The following ROBO1 variants were observed in gnomAD, a reference collection of about 807,000 sequenced individuals.
The protein encoded by ROBO1 is roundabout homolog 1.
ROBO1 carries 149 observed loss-of-function variants against 195.9 expected under a neutral mutation model. That is an observed-to-expected ratio of 0.76 (90% CI 0.67 to 0.87). The LOEUF is 0.87. Ranked by LOEUF, ROBO1 falls within the 40% of genes least tolerant of loss-of-function variation. The pLI, the probability that ROBO1 is intolerant of heterozygous loss-of-function variation, is 0.00. For missense variants in ROBO1, 1,933 were observed against 2,068.3 expected (o/e 0.93, Z 1.27); for synonymous variants, 816 against 733.2 (o/e 1.11, Z -1.82).
At chr3:79,706,574 G>A (rs901984610) in intron 1 of ROBO1, among the ~76,000 whole-genome samples, 2 of 152,030 alleles carry the variant, frequency 1.3e-5, no homozygotes, top group East Asian at 1.9e-4. Context: ...GGACCCGGTA[G>A]GGGGTAATTA....
At chr3:78,868,121 A>G (rs1390776627) in intron 4 of ROBO1, among the ~76,000 whole-genome samples, 1 of 152,102 alleles carries the variant, frequency 6.6e-6, no homozygotes, top group Non-Finnish European at 1.5e-5. Flanking sequence ...CTAATTACCC[A>G]ATTACTACTG....
At chr3:78,651,304 G>A (rs572012568) in intron 19 of ROBO1, among the ~76,000 whole-genome samples, 2 of 152,102 alleles carry the variant, frequency 1.3e-5, no homozygotes, top group Non-Finnish European at 2.9e-5. Context: ...ATAATCAAAC[G>A]GCAGTATTTT....
chr3:78,646,076 T>C, intron 21 of ROBO1, 72 bp downstream of exon 21: 1 of 1,270,776 alleles, frequency 7.9e-7, no homozygotes, highest in Non-Finnish European at 1.1e-6. Context: ...GCAGAGAAAG[T>C]GGTGTCATTG....
At chr3:78,993,485 T>A (rs1343869486) in intron 3 of ROBO1, among the ~76,000 whole-genome samples, 1 of 152,060 alleles carries the variant, frequency 6.6e-6, no homozygotes, top group Admixed American at 6.6e-5. Flanking sequence ...GAGGCAAGGG[T>A]GTAATACACT....
intron 2 of ROBO1, among the ~76,000 whole-genome samples, chr3:79,166,568 T>TTTAA (rs10688375): frequency 6.8e-5 from 10 of 147,528 alleles, no homozygotes; most frequent in African/African-American, 1.9e-4. Flanking sequence ...TTCTTTTTTT[T>TTTAA]TTTTTTTTTA....
At chr3:79,144,969 T>C (rs2080614473) in intron 2 of ROBO1, among the ~76,000 whole-genome samples, 1 of 152,022 alleles carries the variant, frequency 6.6e-6, no homozygotes, top group Admixed American at 6.6e-5. Context: ...TACTCTAGTG[T>C]ACAACTATAA....
At chr3:78,611,867 A>G (rs1703835787) in intron 28 of ROBO1, among the ~76,000 whole-genome samples, 1 of 152,212 alleles carries the variant, frequency 6.6e-6, no homozygotes, top group Non-Finnish European at 1.5e-5. Context: ...CACAGGGAGA[A>G]GATGGCCGTC....
intron 3 of ROBO1, among the ~76,000 whole-genome samples, chr3:78,981,788 AACACACACAC>A (rs375186931): frequency 2.1e-5 from 3 of 140,760 alleles, no homozygotes; most frequent in African/African-American, 2.6e-5. Context: ...GGCCCCTGCC[AACACACACAC>A]ACACACACAC....
At chr3:78,785,707 T>C (rs2083813841) in intron 4 of ROBO1, among the ~76,000 whole-genome samples, 2 of 152,190 alleles carry the variant, frequency 1.3e-5, no homozygotes, top group East Asian at 3.8e-4. Flanking sequence ...TTTTTCTTCC[T>C]AGTAATTCCT....
At chr3:78,608,298 G>T (rs972740491) in intron 28 of ROBO1, among the ~76,000 whole-genome samples, 2 of 151,900 alleles carry the variant, frequency 1.3e-5, no homozygotes, top group African/African-American at 2.4e-5. Flanking sequence ...TAGAGACAGG[G>T]TTTCACTATG....
chr3:78,600,546 T>C (rs1424718506), intron 29 of ROBO1, among the ~76,000 whole-genome samples: 1 of 152,128 alleles, frequency 6.6e-6, no homozygotes, highest in Admixed American at 6.5e-5. Flanking sequence ...ACTCATAAGC[T>C]CTTGTCCATC....
chr3:78,969,622 C>T (rs543101001), intron 3 of ROBO1, among the ~76,000 whole-genome samples: 3 of 152,084 alleles, frequency 2.0e-5, no homozygotes, highest in Non-Finnish European at 4.4e-5. Context: ...CATCTGAGTA[C>T]GCCTACTCAA....
intron 2 of ROBO1, among the ~76,000 whole-genome samples, chr3:79,389,660 A>C (rs551823749): frequency 2.0e-4 from 30 of 152,278 alleles, no homozygotes; most frequent in Middle Eastern, 3.4e-3. Flanking sequence ...TGAATATCTA[A>C]GTGGAACCAT....
chr3:79,325,604 T>G (rs2034174374), intron 2 of ROBO1, among the ~76,000 whole-genome samples: 1 of 152,200 alleles, frequency 6.6e-6, no homozygotes, highest in Admixed American at 6.5e-5. Context: ...TCATGGACAT[T>G]TATTCATTCC....
At chr3:79,707,185 G>A (rs549091666) in intron 1 of ROBO1, among the ~76,000 whole-genome samples, 7 of 152,042 alleles carry the variant, frequency 4.6e-5, no homozygotes, top group South Asian at 2.1e-4. Context: ...ATAGATATAG[G>A]TCTATACTGA....
At chr3:78,837,214 G>A (rs143965047) in intron 4 of ROBO1, among the ~76,000 whole-genome samples, 31 of 152,236 alleles carry the variant, frequency 2.0e-4, no homozygotes, top group African/African-American at 7.5e-4. Flanking sequence ...TGTTTTCAAT[G>A]TTGGATATAA....
chr3:78,807,998 C>T (rs76722583), intron 4 of ROBO1, among the ~76,000 whole-genome samples: 24 of 152,130 alleles, frequency 1.6e-4, no homozygotes, highest in Admixed American at 3.3e-4. Context: ...TAATGAAGCC[C>T]TCATGATGTA....
At chr3:79,032,650 C>T (rs1278168949) in intron 3 of ROBO1, among the ~76,000 whole-genome samples, 1 of 152,002 alleles carries the variant, frequency 6.6e-6, no homozygotes. Context: ...ACATTTACCA[C>T]TATGCTATTT....
intron 2 of ROBO1, among the ~76,000 whole-genome samples, chr3:79,251,215 A>C (rs1158489535): frequency 6.6e-6 from 1 of 152,232 alleles, no homozygotes; most frequent in Non-Finnish European, 1.5e-5. Context: ...TTTAATATTA[A>C]TAGAGACAGA....
Sources: gnomAD v4.1 joint callset for allele counts (sites outside exome capture counted in the v4.1 genomes callset) on GRCh38, gnomAD v4.1.1 for gene constraint, MANE v1.5 for transcripts, NCBI Gene and HGNC (gene_info 2026-07-23, HGNC 2026-07-21) for gene names.